The following SDK2 variants were observed in gnomAD, a reference collection of about 807,000 sequenced individuals.
SDK2 encodes sidekick cell adhesion molecule 2.
A neutral mutation model predicts 253.9 loss-of-function variants in SDK2; 105 were observed. The ratio of observed to expected loss-of-function variants is 0.41; its 90% CI spans 0.35 to 0.49. The LOEUF (loss-of-function observed/expected upper bound fraction) is 0.49, where lower values mean the gene tolerates loss of function less well. Among genes scored for constraint, SDK2 ranks in the 20% least tolerant of loss-of-function variants. SDK2 has a pLI of 0.06. For synonymous variants in SDK2, 1,249 were observed against 1,234.9 expected, an observed-to-expected ratio of 1.01 and a Z score of -0.24; for missense variants, 2,608 against 3,003.0, an observed-to-expected ratio of 0.87 and a Z score of 3.07.
chr17:73,405,683 G>A (rs1429915974), intron 18 of SDK2, among the ~76,000 whole-genome samples: 1 of 150,028 alleles, frequency 6.7e-6, no homozygotes, highest in Non-Finnish European at 1.5e-5. Flanking sequence ...ATAAAAAGGT[G>A]TAGTATTTGC....
chr17:73,423,072 A>G (rs1009215770), intron 14 of SDK2, among the ~76,000 whole-genome samples: 2 of 151,800 alleles, frequency 1.3e-5, no homozygotes, highest in African/African-American at 2.4e-5. Context: ...AATGCGAATT[A>G]TGCCTGCTCA....
intron 33 of SDK2, among the ~76,000 whole-genome samples, chr17:73,382,839 T>TAAC (rs372656877): frequency 3.0e-4 from 46 of 151,382 alleles, no homozygotes; most frequent in East Asian, 7.8e-4. Flanking sequence ...CCGTCTCTAC[T>TAAC]AACAACAACA....
At chr17:73,456,082 AG>A in intron 3 of SDK2, 29 bp from the exon 4 acceptor site, 2 of 1,451,544 alleles carry the variant, frequency 1.4e-6, no homozygotes, top group Non-Finnish European at 9.1e-7. Context: ...CAGTAGGATC[AG>A]GGGCGGGAGG....
intron 1 of SDK2, among the ~76,000 whole-genome samples, chr17:73,526,015 C>T (rs1269236262): frequency 2.6e-5 from 4 of 152,196 alleles, no homozygotes; most frequent in Non-Finnish European, 4.4e-5. Flanking sequence ...GGGACAAGTG[C>T]GCGACAGAGT....
intron 3 of SDK2, among the ~76,000 whole-genome samples, chr17:73,466,011 C>T (rs575327947): frequency 6.6e-6 from 1 of 152,254 alleles, no homozygotes; most frequent in South Asian, 2.1e-4. Flanking sequence ...CTGGGAGGGC[C>T]CCAGACTGGG....
chr17:73,576,670 G>A (rs1196156702), intron 1 of SDK2, among the ~76,000 whole-genome samples: 1 of 152,168 alleles, frequency 6.6e-6, no homozygotes, highest in African/African-American at 2.4e-5. Context: ...AAGGAACCTC[G>A]TGATCACAGG....
intron 1 of SDK2, among the ~76,000 whole-genome samples, chr17:73,615,997 A>C (rs2046050518): frequency 6.6e-6 from 1 of 152,162 alleles, no homozygotes; most frequent in Admixed American, 6.5e-5. Context: ...ATACACGTAC[A>C]CACGCATGCA....
intron 3 of SDK2, among the ~76,000 whole-genome samples, chr17:73,462,082 C>A (rs1013858605): frequency 2.0e-5 from 3 of 149,702 alleles, no homozygotes; most frequent in African/African-American, 7.4e-5. Flanking sequence ...TGCACGTGTG[C>A]ATGTATGGTG....
At chr17:73,640,131 C>G (rs1316170687) in intron 1 of SDK2, among the ~76,000 whole-genome samples, 1 of 152,174 alleles carries the variant, frequency 6.6e-6, no homozygotes, top group Non-Finnish European at 1.5e-5. Context: ...AGAATTTGGC[C>G]TCCTTCCCAG....
At chr17:73,487,944 G>A (rs369764982) in intron 2 of SDK2, among the ~76,000 whole-genome samples, 80 of 152,308 alleles carry the variant, frequency 5.3e-4, no homozygotes, top group African/African-American at 1.6e-3. Context: ...CACTGAGCAC[G>A]TGACCTCAGA....
chr17:73,580,854 T>C (rs2045524932), intron 1 of SDK2, among the ~76,000 whole-genome samples: 1 of 152,186 alleles, frequency 6.6e-6, no homozygotes, highest in Non-Finnish European at 1.5e-5. Flanking sequence ...AATCTGAAAA[T>C]TGTGAGCACT....
chr17:73,505,355 T>TA (rs1246880690), intron 2 of SDK2, among the ~76,000 whole-genome samples: 1 of 152,216 alleles, frequency 6.6e-6, no homozygotes, highest in Non-Finnish European at 1.5e-5. Flanking sequence ...TGGGGGGAAA[T>TA]AACTGAAACT....
intron 1 of SDK2, among the ~76,000 whole-genome samples, chr17:73,533,959 A>AATGCGGCAGCAGGAAAAGCACAGTG (rs1448379500): frequency 1.6e-4 from 25 of 152,172 alleles, no homozygotes; most frequent in Non-Finnish European, 3.2e-4. Context: ...TTCCAAACAC[A>AATGCGGCAGCAGGAAAAGCACAGTG]ATGCGGCAGC....
rs1294281328 is a variant in SDK2 at position 73,338,259 on chromosome 17, T to C, written c.*328A>G. On this transcript the variant is annotated 3_prime_UTR_variant, in exon 45 of 45. Transcript: ENST00000392650. This position sits in a 1 kb window ranked among gnomAD's most constrained non-coding sequence, Gnocchi z 5.0. ...GCCTGGCGGCCTCCAGTCCTTAGCC[T>C]CCGCTCCCTCTCTCTCTCCAGATGC... The C allele has an allele frequency of 2.1e-6, 1 of 481,192 alleles. No homozygotes were observed. Among genetic ancestry groups the C allele is most frequent in the Admixed American group, 2.7e-5 (1 of 36,652 alleles). The allele number at this position is 481,192 out of a possible 1,614,324, so 29.8% of individuals were successfully genotyped here.
In SDK2 at chr17:73,361,915, G is replaced by C; in HGVS notation, c.5306-70C>G. 1.4e-6 allele frequency: 2 copies of C among 1,464,442 alleles called. No homozygotes were observed. The highest frequency in any genetic ancestry group is 1.8e-6 in the Non-Finnish European group (2 of 1,089,314). The allele number at this position is 1,464,442 out of a possible 1,614,324, so 90.7% of individuals were successfully genotyped here. A position where few individuals can be genotyped will look rare whatever the true frequency, so the allele number is the denominator to read the frequency against. ...AGGGCACTGGAGGCCATGGGGAAGG[G>C]GAAGCGGCCGTGGCCTGGGCCCCGG... On this transcript the variant is annotated intron_variant, in intron 38 of 44. Coordinates refer to ENST00000392650, the MANE Select transcript of SDK2 (RefSeq NM_001144952.2). This position sits in a 1 kb window ranked among gnomAD's most constrained non-coding sequence, Gnocchi z 4.1.
intron 12 of SDK2, among the ~76,000 whole-genome samples, chr17:73,428,092 C>T (rs2063297130): frequency 6.6e-6 from 1 of 152,192 alleles, no homozygotes; most frequent in East Asian, 1.9e-4. Flanking sequence ...TGAAAAGATG[C>T]TGTACATCAT....
chr17:73,462,007 TTGCATGTATGTA>T (rs1175706977), intron 3 of SDK2, among the ~76,000 whole-genome samples: 2 of 152,088 alleles, frequency 1.3e-5, no homozygotes, highest in Non-Finnish European at 2.9e-5. Flanking sequence ...GGGATAATGG[TTGCATGTATGTA>T]TGCATGTATG....
At chr17:73,576,371 C>T (rs1053593874) in intron 1 of SDK2, among the ~76,000 whole-genome samples, 25 of 152,016 alleles carry the variant, frequency 1.6e-4, no homozygotes, top group South Asian at 1.5e-3. Flanking sequence ...ATGAGAGGGG[C>T]GTCCCAAGGA....
intron 1 of SDK2, among the ~76,000 whole-genome samples, chr17:73,586,447 C>T (rs72845787): frequency 7.9e-5 from 12 of 152,168 alleles, no homozygotes; most frequent in Non-Finnish European, 1.8e-4. Flanking sequence ...TTAAAAGCAG[C>T]CTCTCCCTTC....
Sources: allele counts gnomAD v4.1 joint callset (sites outside exome capture counted in the v4.1 genomes callset), GRCh38; gene constraint gnomAD v4.1.1; non-coding constraint Gnocchi (gnomAD v3.1); transcripts MANE v1.5; gene names NCBI Gene and HGNC (gene_info 2026-07-23, HGNC 2026-07-21).